The following BCAS1 variants were observed in gnomAD, a reference collection of about 807,000 sequenced individuals.
The protein encoded by BCAS1 is breast carcinoma-amplified sequence 1.
In BCAS1, 46 loss-of-function variants were observed where a neutral mutation model predicts 65.4. The ratio of observed to expected loss-of-function variants is 0.70; its 90% CI spans 0.55 to 0.90. The LOEUF is 0.90. Among genes scored for constraint, BCAS1 ranks in the 40% least tolerant of loss-of-function variants. BCAS1 has a pLI of 0.00. For missense variants in BCAS1, 793 were observed against 771.2 expected (o/e 1.03, Z -0.33); for synonymous variants, 298 against 293.5 (o/e 1.02, Z -0.16).
At chr20:53,975,588 A>G (rs2090311481) in intron 8 of BCAS1, among the ~76,000 whole-genome samples, 158 bp from the exon 9 acceptor site, 1 of 139,406 alleles carries the variant, frequency 7.2e-6, no homozygotes, top group Non-Finnish European at 1.6e-5. Context: ...GGAGACTTAC[A>G]AAAATGAAAA....
At chr20:53,995,568 C>T (rs977021419) in intron 5 of BCAS1, among the ~76,000 whole-genome samples, 1 of 151,280 alleles carries the variant, frequency 6.6e-6, no homozygotes, top group South Asian at 2.1e-4. Context: ...GTCCACAACA[C>T]AGGGAGATAT....
At chr20:53,973,706 A>G (rs1034196775) in intron 9 of BCAS1, among the ~76,000 whole-genome samples, 9 of 152,214 alleles carry the variant, frequency 5.9e-5, no homozygotes, top group African/African-American at 2.2e-4. Context: ...GGGAATAGAA[A>G]CTTTGACTTT....
At chr20:53,972,945 A>G (rs552500975) in intron 9 of BCAS1, among the ~76,000 whole-genome samples, 5 of 152,324 alleles carry the variant, frequency 3.3e-5, no homozygotes, top group Non-Finnish European at 7.4e-5. Context: ...TGAAATACTG[A>G]TGCTGGGAGT....
At chr20:54,013,845 G>A (rs937625500) in intron 4 of BCAS1, among the ~76,000 whole-genome samples, 3 of 152,100 alleles carry the variant, frequency 2.0e-5, no homozygotes, top group African/African-American at 4.8e-5. Flanking sequence ...TTATGTTACC[G>A]TTTGTGTAAA....
At chr20:54,011,492 T>C (rs2091319575) in intron 4 of BCAS1, among the ~76,000 whole-genome samples, 1 of 152,154 alleles carries the variant, frequency 6.6e-6, no homozygotes, top group South Asian at 2.1e-4. Flanking sequence ...ATAAAGATGT[T>C]CAATCTCATT....
At chr20:53,987,655 CAAAT>C (rs2090647908) in intron 7 of BCAS1, among the ~76,000 whole-genome samples, 1 of 152,170 alleles carries the variant, frequency 6.6e-6, no homozygotes, top group African/African-American at 2.4e-5. Flanking sequence ...AATAATTCCA[CAAAT>C]AAATGTAAAA....
chr20:54,045,773 C>T (rs6097742), intron 3 of BCAS1, among the ~76,000 whole-genome samples: 1 of 152,246 alleles, frequency 6.6e-6, no homozygotes, highest in Admixed American at 6.5e-5. Flanking sequence ...TGCATTTTCC[C>T]TTAATTCTGG....
rs1555881109 is a variant in BCAS1 at position 54,051,726 on chromosome 20, T to TTG, written c.142+6358_142+6359insCA. Among the ~76,000 whole-genome samples the TTG allele has an allele frequency of 2.0e-5, 3 of 149,122 alleles. No individual in the cohort carries two copies. In the East Asian group the frequency reaches 5.9e-4, roughly 30 times the overall value. On this transcript the variant is annotated intron_variant, in intron 3 of 12. Coordinates refer to ENST00000688948, the MANE Select transcript of BCAS1 (RefSeq NM_001366298.2). ...TTTGACTATGCTGGTTTTTTTTTTGTTTGTTGTTGTTGTTGTTGTTGTTGT... is the reference window on the plus strand; with the variant it reads ...TTTGACTATGCTGGTTTTTTTTTTGTTGTTGTTGTTGTTGTTGTTGTTGTTGT...
chr20:53,985,800 T>C (rs1344761931), intron 7 of BCAS1, among the ~76,000 whole-genome samples: 1 of 152,020 alleles, frequency 6.6e-6, no homozygotes, highest in Non-Finnish European at 1.5e-5. Flanking sequence ...GAATATGGAG[T>C]TCTTATTTAG....
intron 4 of BCAS1, among the ~76,000 whole-genome samples, chr20:54,018,418 T>C (rs1020020031): frequency 3.3e-5 from 5 of 151,090 alleles, no homozygotes; most frequent in Admixed American, 6.6e-5. Flanking sequence ...TTTTTTTTTT[T>C]CGAGACAGAG....
At chr20:53,955,174 C>G (rs2089661688) in intron 11 of BCAS1, among the ~76,000 whole-genome samples, 1 of 152,186 alleles carries the variant, frequency 6.6e-6, no homozygotes, top group South Asian at 2.1e-4. Flanking sequence ...ATGCACGCCC[C>G]TTAGAAGTAA....
chr20:53,953,435 G>C lies in BCAS1; in HGVS notation c.1812C>G (p.Gly604=). The change falls in exon 12 of 13, where the codon GGC becomes GGG. Residue 604 remains glycine (G), a synonymous_variant. Transcript: ENST00000688948. ...RQQSLGGFFK[G]LGPKRMLDAQ... is the part of the protein sequence containing the mutation. ...GAGGCAAAAAAAATCCACCTACCAGGCCTTTAAAGAAGCCCCCAAGGGACT... is the reference window on the plus strand; with the variant it reads ...GAGGCAAAAAAAATCCACCTACCAGCCCTTTAAAGAAGCCCCCAAGGGACT... 1 of 1,613,838 alleles carries C rather than the reference G, an allele frequency of 6.2e-7. No individual in the cohort carries two copies. Among genetic ancestry groups the C allele is most frequent in the Non-Finnish European group, 8.5e-7 (1 of 1,179,986 alleles).
chr20:54,058,630 A>G lies in BCAS1; in HGVS notation c.72+17T>C. The stretch of plus-strand genomic sequence containing the variant: ...TTTTTTTTTCTGCTGATGCCCCTGT[A>G]ATGGTTACTACACTACCTGGTAAGT... On this transcript the variant is annotated intron_variant, in intron 2 of 12. Transcript: ENST00000688948. 1 of 1,460,914 alleles carries G rather than the reference A, an allele frequency of 6.8e-7. No individual in the cohort carries two copies. The highest frequency in any genetic ancestry group is 9.2e-7 in the Non-Finnish European group (1 of 1,084,534). 90.5% of individuals were successfully genotyped at this position (1,460,914 alleles called of 1,614,324 possible).
intron 3 of BCAS1, among the ~76,000 whole-genome samples, chr20:54,043,769 C>T (rs2092046100): frequency 6.6e-6 from 1 of 152,200 alleles, no homozygotes; most frequent in Non-Finnish European, 1.5e-5. Context: ...AACTGCACAT[C>T]TAACCGGTAC....
intron 1 of BCAS1, among the ~76,000 whole-genome samples, chr20:54,070,128 G>A (rs115149414): frequency 0.036 from 5,495 of 152,198 alleles, 115 homozygotes; most frequent in African/African-American, 0.053. Context: ...TTCTCCCCAT[G>A]TCCTGTGCTT....
At chr20:53,990,826 T>C (rs1249084801) in intron 7 of BCAS1, among the ~76,000 whole-genome samples, 2 of 152,150 alleles carry the variant, frequency 1.3e-5, no homozygotes, top group Non-Finnish European at 2.9e-5. Flanking sequence ...TACACTTACA[T>C]AAAAAAATAC....
chr20:53,975,442 T>TA lies in BCAS1; in HGVS notation c.1276-13dup. On this transcript the variant is annotated splice_polypyrimidine_tract_variant and intron_variant, in intron 8 of 12. Coordinates refer to ENST00000688948, the MANE Select transcript of BCAS1 (RefSeq NM_001366298.2). ...TCCTCTTTAACTGACTAAAGGAAGA[T>TA]AAAAACAAAAGTGAGAGTTAAAAGG... 6.2e-7 allele frequency: 1 copy of TA among 1,610,732 alleles called. No homozygotes were observed. Among genetic ancestry groups the TA allele is most frequent in the Non-Finnish European group, 8.5e-7 (1 of 1,177,792 alleles).
chr20:53,973,414 C>T (rs996979713), intron 9 of BCAS1, among the ~76,000 whole-genome samples: 2 of 152,006 alleles, frequency 1.3e-5, no homozygotes, highest in Admixed American at 1.3e-4. Context: ...CGTTTGGTGT[C>T]GATAATTTAA....
chr20:54,021,963 G>A (rs2091569229), intron 4 of BCAS1, among the ~76,000 whole-genome samples: 1 of 152,162 alleles, frequency 6.6e-6, no homozygotes, highest in Non-Finnish European at 1.5e-5. Context: ...AAGACACAAA[G>A]TGAACACAGG....
Sources: gnomAD v4.1 joint callset for allele counts (sites outside exome capture counted in the v4.1 genomes callset) on GRCh38, gnomAD v4.1.1 for gene constraint, MANE v1.5 for transcripts, NCBI Gene and HGNC (gene_info 2026-07-23, HGNC 2026-07-21) for gene names.